MYBPC2: variants seen among roughly 807,000 people sequenced by gnomAD.
MYBPC2 encodes the protein myosin-binding protein C, fast-type.
In MYBPC2, 122 loss-of-function variants were observed where a neutral mutation model predicts 137.0. The ratio of observed to expected loss-of-function variants is 0.89; its 90% CI spans 0.77 to 1.03. The LOEUF (loss-of-function observed/expected upper bound fraction) is 1.03. Ranked by LOEUF, MYBPC2 falls within the 50% of genes least tolerant of loss-of-function variation. MYBPC2 has a pLI of 0.00. For missense variants in MYBPC2, 1,500 were observed against 1,534.4 expected (o/e 0.98, Z 0.37); for synonymous variants, 626 against 612.3 (o/e 1.02, Z -0.33).
chr19:50,461,767 A>T, intron 25 of MYBPC2, 66 bp downstream of exon 25: 2 of 1,598,134 alleles, frequency 1.3e-6, no homozygotes, highest in African/African-American at 1.3e-5. Context: ...TCCCACCTGG[A>T]CTCCTGCCCT....
chr19:50,447,596 T>G (rs1427936270), intron 12 of MYBPC2, among the ~76,000 whole-genome samples: 1 of 151,932 alleles, frequency 6.6e-6, no homozygotes, highest in African/African-American at 2.4e-5. Context: ...AGTGGCTCAC[T>G]CCTGTAATCC....
chr19:50,444,293 TCCA>T (rs754528096), intron 11 of MYBPC2, among the ~76,000 whole-genome samples: 1,304 of 27,176 alleles, frequency 0.048, 7 homozygotes, highest in Non-Finnish European at 0.065. Flanking sequence ...CATCCATTCA[TCCA>T]TCCATCCATC....
chr19:50,440,021 CAA>C (rs1338897397), intron 7 of MYBPC2, among the ~76,000 whole-genome samples: 1 of 152,054 alleles, frequency 6.6e-6, no homozygotes, highest in African/African-American at 2.4e-5. Context: ...AAGTGTTCAG[CAA>C]AAGTCAAGCA....
intron 5 of MYBPC2, 75 bp from the exon 6 acceptor site, chr19:50,437,398 C>A: frequency 6.7e-7 from 1 of 1,483,686 alleles, no homozygotes; most frequent in South Asian, 1.2e-5. Context: ...TTGTGCAGGC[C>A]TGGAGAGGGG....
chr19:50,454,297 A>C lies in MYBPC2; in HGVS notation c.1942A>C (p.Thr648Pro). The C allele has an allele frequency of 6.2e-7, 1 of 1,613,462 alleles. No homozygotes were observed. The highest frequency in any genetic ancestry group is 8.5e-7 in the Non-Finnish European group (1 of 1,179,826). ...VPDPPEAVRI[T>P]SVGEDWAILV... Reference sequence around the variant, plus strand: ...AGACCCCCCGGAGGCTGTGCGCATCACCTCGGTTGGAGAGGATTGGGCCAT... The same window carrying C: ...AGACCCCCCGGAGGCTGTGCGCATCCCCTCGGTTGGAGAGGATTGGGCCAT... Residue 648 changes from threonine (T) to proline (P), a missense_variant, in exon 18 of 28, where the codon ACC becomes CCC. Thr to Pro is a conservative substitution (Grantham distance 38). Transcript: ENST00000357701.
At chr19:50,452,466 G>GTGTATGTA (rs746899570) in intron 16 of MYBPC2, among the ~76,000 whole-genome samples, 66 of 147,214 alleles carry the variant, frequency 4.5e-4, no homozygotes, top group Admixed American at 7.5e-4. Flanking sequence ...CTATGTATCT[G>GTGTATGTA]TGTATGTATG....
chr19:50,442,386 T>C (rs1044233529), intron 9 of MYBPC2, 73 bp downstream of exon 9: 26 of 1,551,072 alleles, frequency 1.7e-5, no homozygotes, highest in Non-Finnish European at 1.7e-5. Context: ...ACAAGGCCTA[T>C]CACTCTTAAC....
intron 12 of MYBPC2, among the ~76,000 whole-genome samples, chr19:50,447,504 G>A (rs1357815599): frequency 6.6e-6 from 1 of 152,110 alleles, no homozygotes; most frequent in Non-Finnish European, 1.5e-5. Flanking sequence ...CGAGGTGGGA[G>A]GGTAAATTGA....
chr19:50,465,351 C>G lies in MYBPC2; in HGVS notation c.3415+819C>G, dbSNP rs1323665243. ...GAACACAATTCCCCCGCTCCTTTACCCTGGGCTCCGGCCCATCAGATGTCT... is the reference window on the plus strand; with the variant it reads ...GAACACAATTCCCCCGCTCCTTTACGCTGGGCTCCGGCCCATCAGATGTCT... On this transcript the variant is annotated intron_variant, in intron 27 of 27. Coordinates refer to ENST00000357701, the MANE Select transcript of MYBPC2 (RefSeq NM_004533.4). This position sits in a 1 kb window ranked among gnomAD's most constrained non-coding sequence, Gnocchi z 4.5. 6.6e-6 allele frequency among the ~76,000 whole-genome samples: 1 copy of G among 152,222 alleles called. No homozygotes were observed. The highest frequency in any genetic ancestry group is 1.9e-4 in the East Asian group (1 of 5,192).
chr19:50,454,685 C>G (rs1337312152), intron 18 of MYBPC2, among the ~76,000 whole-genome samples: 3 of 152,058 alleles, frequency 2.0e-5, no homozygotes, highest in Non-Finnish European at 2.9e-5. Flanking sequence ...TTCAGACTCC[C>G]AAAGTGCTGG....
rs574578637 is a variant in MYBPC2 at position 50,435,201 on chromosome 19, A to C, written c.60A>C (p.Gly20=). 7.0e-7 allele frequency: 1 copy of C among 1,436,530 alleles called. No homozygotes were observed. Among genetic ancestry groups the C allele is most frequent in the African/African-American group, 1.4e-5 (1 of 71,546 alleles). 89.0% of individuals were successfully genotyped at this position (1,436,530 alleles called of 1,614,324 possible). The change falls in exon 2 of 28, where the codon GGA becomes GGC. Residue 20 remains glycine, a synonymous_variant. Transcript: ENST00000357701. The surrounding 1 kb of genome is among the most constrained non-coding windows in gnomAD (Gnocchi z 4.8). The part of the protein sequence containing the change: ...KAPKGKDAPK[G]APKEAPPKEA... ...CCAAAGGCAAAGATGCCCCCAAAGG[A>C]GCCCCCAAGGAGGCTCCCCCTAAGG...
intron 16 of MYBPC2, among the ~76,000 whole-genome samples, chr19:50,452,533 T>A (rs1049889316): frequency 1.3e-5 from 2 of 151,776 alleles, no homozygotes; most frequent in Non-Finnish European, 2.9e-5. Flanking sequence ...TCTATCTATC[T>A]ATCTATGTAT....
chr19:50,441,164 T>A, intron 8 of MYBPC2, 88 bp downstream of exon 8: 1 of 1,356,164 alleles, frequency 7.4e-7, no homozygotes, highest in Middle Eastern at 2.0e-4. Context: ...TGGACCTATC[T>A]TTTCGAGGTC....
In MYBPC2 at chr19:50,442,259, C is replaced by T. The variant is rs748345914; in HGVS notation, c.848C>T (p.Pro283Leu). 1.2e-6 allele frequency: 2 copies of T among 1,606,490 alleles called. No homozygotes were observed. Reference protein sequence around the residue: ...KIKLMVEISDPDLTLKWFKNG... With the variant: ...KIKLMVEISDLDLTLKWFKNG... ...AAGTTGATGGTAGAGATCAGCGACC[C>T]AGACCTGACCCTCAAGTGGTTCAAG... The change falls in exon 9 of 28, where the codon CCA becomes CTA. Residue 283 changes from proline to leucine, a missense_variant. Physicochemically the swap from Pro to Leu is moderately conservative, Grantham distance 98. Coordinates refer to ENST00000357701, the MANE Select transcript of MYBPC2 (RefSeq NM_004533.4).
intron 7 of MYBPC2, among the ~76,000 whole-genome samples, chr19:50,438,709 A>G (rs534642769): frequency 7.9e-5 from 12 of 152,104 alleles, no homozygotes; most frequent in African/African-American, 2.7e-4. Context: ...CTACAAAAAA[A>G]AGAAAAATTA....
chr19:50,445,954 G>T lies in MYBPC2; in HGVS notation c.1208G>T (p.Arg403Leu). ...TACCGCTTCAAGAAGGACGGGAAGC[G>T]CCACATCCTCATCTTCTCAGACGTG... ...ARYRFKKDGK[R>L]HILIFSDVVQ... The change falls in exon 12 of 28, where the codon CGC becomes CTC. Residue 403 changes from arginine to leucine, a missense_variant. Coordinates refer to ENST00000357701, the MANE Select transcript of MYBPC2 (RefSeq NM_004533.4). The T allele has an allele frequency of 6.2e-7, 1 of 1,612,418 alleles. No homozygotes were observed. The highest frequency in any genetic ancestry group is 2.2e-5 in the East Asian group (1 of 44,820).
rs1601287208 is a variant in MYBPC2 at position 50,446,146 on chromosome 19, T to C, written c.1306+94T>C. On this transcript the variant is annotated intron_variant, in intron 12 of 27. Coordinates refer to ENST00000357701, the MANE Select transcript of MYBPC2 (RefSeq NM_004533.4). Reference sequence around the variant, plus strand: ...GGCCCCCCAGTCTGGAAGTTGTTCCTGACTCCTCTCTTTCCCACACACCCT... The same window carrying C: ...GGCCCCCCAGTCTGGAAGTTGTTCCCGACTCCTCTCTTTCCCACACACCCT... 5 of 1,381,486 alleles carry C rather than the reference T, an allele frequency of 3.6e-6. No individual in the cohort carries two copies. In the East Asian group the frequency reaches 1.3e-4, roughly 35 times the overall value. 85.6% of individuals were successfully genotyped at this position (1,381,486 alleles called of 1,614,324 possible).
At chr19:50,441,474 G>A (rs748662637) in intron 8 of MYBPC2, among the ~76,000 whole-genome samples, 12 of 152,318 alleles carry the variant, frequency 7.9e-5, no homozygotes, top group Admixed American at 2.0e-4. Context: ...GCCCTGAGCC[G>A]TTGCTCTCTG....
At chr19:50,458,455 G>A (rs897148622) in intron 20 of MYBPC2, 132 bp from the exon 21 acceptor site, 64 of 1,061,200 alleles carry the variant, frequency 6.0e-5, no homozygotes, top group Admixed American at 2.7e-4. Context: ...AACTCCAGCT[G>A]CTGCTGCTGC....
Sources: gnomAD v4.1 joint callset for allele counts (sites outside exome capture counted in the v4.1 genomes callset) on GRCh38, gnomAD v4.1.1 for gene constraint, Gnocchi (gnomAD v3.1) non-coding constraint, MANE v1.5 for transcripts, NCBI Gene and HGNC (gene_info 2026-07-23, HGNC 2026-07-21) for gene names.